Variants in FAM107A observed in about 807,000 individuals in gnomAD.
The protein encoded by FAM107A is family with sequence similarity 107 member A.
In FAM107A, 19 loss-of-function variants were observed where a neutral mutation model predicts 13.7. The observed-to-expected ratio is 1.38, with a 90% CI of 0.97 to 2.03. FAM107A has a LOEUF of 2.03. Among genes scored for constraint, FAM107A ranks in the 30% most tolerant of loss-of-function variants. The pLI is 0.00. For synonymous variants in FAM107A, 82 were observed against 74.5 expected (o/e 1.10, Z -0.52); for missense variants, 203 against 184.4 (o/e 1.10, Z -0.58).
At chr3:58,603,474 A>G (rs2065768853) in intron 1 of FAM107A, among the ~76,000 whole-genome samples, 1 of 152,098 alleles carries the variant, frequency 6.6e-6, no homozygotes, top group South Asian at 2.1e-4. Flanking sequence ...CTCATGGGAA[A>G]CCTTTAAAAG....
chr3:58,609,614 A>G (rs1025265840), intron 1 of FAM107A, among the ~76,000 whole-genome samples: 14 of 152,332 alleles, frequency 9.2e-5, no homozygotes, highest in African/African-American at 2.6e-4. Context: ...CTAGGGTGGC[A>G]TGGAGGAAGG....
intron 1 of FAM107A, among the ~76,000 whole-genome samples, chr3:58,610,088 A>C (rs1258804192): frequency 6.6e-6 from 1 of 152,214 alleles, no homozygotes; most frequent in Non-Finnish European, 1.5e-5. Context: ...AGGAGACAGC[A>C]GCTGAATTAC....
At chr3:58,625,092 C>T (rs937047050) in intron 1 of FAM107A, among the ~76,000 whole-genome samples, 2 of 152,002 alleles carry the variant, frequency 1.3e-5, no homozygotes, top group African/African-American at 4.8e-5. Flanking sequence ...AAAATCCTAC[C>T]CAATAAAAAT....
intron 1 of FAM107A, among the ~76,000 whole-genome samples, chr3:58,606,808 A>G (rs931589074): frequency 1.3e-5 from 2 of 152,220 alleles, no homozygotes; most frequent in African/African-American, 4.8e-5. Context: ...TCTTGTCAAC[A>G]GACCAACCCC....
chr3:58,570,609 GA>G (rs2063672840), intron 1 of FAM107A, among the ~76,000 whole-genome samples: 3 of 147,062 alleles, frequency 2.0e-5, no homozygotes, highest in East Asian at 4.1e-4. Context: ...GAGAGAGAGA[GA>G]GAGAGAGAGA....
intron 1 of FAM107A, chr3:58,607,648 C>T (rs1182046108): frequency 6.6e-6 from 1 of 152,206 alleles, no homozygotes; most frequent in East Asian, 1.9e-4. Context: ...CTAGCATACA[C>T]TAACAAGAGA....
At chr3:58,623,820 T>C (rs1274077904) in intron 1 of FAM107A, among the ~76,000 whole-genome samples, 2 of 152,232 alleles carry the variant, frequency 1.3e-5, no homozygotes, top group Non-Finnish European at 2.9e-5. Flanking sequence ...GTTTGAAGAC[T>C]AAATGAGCGA....
chr3:58,616,458 A>G (rs936626609), intron 1 of FAM107A, among the ~76,000 whole-genome samples: 3 of 151,908 alleles, frequency 2.0e-5, no homozygotes, highest in African/African-American at 7.3e-5. Flanking sequence ...AAGCAGATGT[A>G]GTCAAGTTAA....
At chr3:58,583,334 T>C (rs375090504) in intron 1 of FAM107A, among the ~76,000 whole-genome samples, 25 of 152,298 alleles carry the variant, frequency 1.6e-4, no homozygotes, top group African/African-American at 5.8e-4. Flanking sequence ...TATTAAGAAA[T>C]TATTTTAGCC....
chr3:58,570,583 CAGAGAGAGAGAGAGAGAGAGAGAG>C lies in FAM107A; in HGVS notation c.-5-742_-5-719del, dbSNP rs371909507. ...TTGAAATGCCCAAAAGCAAATACAGCAGAGAGAGAGAGAGAGAGAGAGAGAGAGAGAGAGAGAGAGAGAGAGAGA... is the reference window on the plus strand; with the variant it reads ...TTGAAATGCCCAAAAGCAAATACAGCAGAGAGAGAGAGAGAGAGAGAGAGA... On this transcript the variant is annotated intron_variant, in intron 1 of 3. Coordinates refer to ENST00000360997, the MANE Select transcript of FAM107A (RefSeq NM_001076778.3). Among the ~76,000 whole-genome samples, 478 of 91,080 alleles carry C rather than the reference CAGAGAGAGAGAGAGAGAGAGAGAG, an allele frequency of 5.2e-3. 3 individuals carry two copies. The highest frequency in any genetic ancestry group is 0.016 in the African/African-American group (422 of 27,006). 59.8% of individuals were successfully genotyped at this position (91,080 alleles called of 152,430 possible).
chr3:58,601,776 C>G (rs542568320), intron 1 of FAM107A, among the ~76,000 whole-genome samples: 1 of 152,338 alleles, frequency 6.6e-6, no homozygotes, highest in Admixed American at 6.5e-5. Flanking sequence ...AATATTCTGA[C>G]AAGTTCTTCT....
intron 1 of FAM107A, among the ~76,000 whole-genome samples, chr3:58,598,695 G>A (rs1002154810): frequency 2.6e-5 from 4 of 152,134 alleles, no homozygotes; most frequent in Admixed American, 6.5e-5. Flanking sequence ...TCCCAGCCAT[G>A]CCCCAATCTC....
chr3:58,573,975 C>T (rs573906139), intron 1 of FAM107A, among the ~76,000 whole-genome samples: 15 of 152,290 alleles, frequency 9.8e-5, no homozygotes, highest in Admixed American at 2.0e-4. Flanking sequence ...ATATCATAAA[C>T]GAGGTGATAC....
chr3:58,616,583 CCACCACCAT>C (rs2065903877), intron 1 of FAM107A, among the ~76,000 whole-genome samples: 1 of 150,744 alleles, frequency 6.6e-6, no homozygotes, highest in African/African-American at 2.4e-5. Context: ...ACTACCACCA[CCACCACCAT>C]CACCACCACC....
At chr3:58,608,422 C>T (rs2065818812) in intron 1 of FAM107A, among the ~76,000 whole-genome samples, 1 of 152,168 alleles carries the variant, frequency 6.6e-6, no homozygotes, top group African/African-American at 2.4e-5. Flanking sequence ...GATCCTAAGC[C>T]TCCTAGGCCA....
At chr3:58,620,145 T>G (rs941078226) in intron 1 of FAM107A, among the ~76,000 whole-genome samples, 1 of 152,132 alleles carries the variant, frequency 6.6e-6, no homozygotes, top group African/African-American at 2.4e-5. Flanking sequence ...TCAAACGGCC[T>G]CCCTTCCCTC....
intron 1 of FAM107A, chr3:58,609,065 AG>A (rs954592510): frequency 2.4e-4 from 36 of 152,200 alleles, no homozygotes; most frequent in African/African-American, 8.2e-4. Context: ...GAGCATTTTC[AG>A]GGCCTGGTCA....
At chr3:58,586,231 C>A (rs142184262) in intron 1 of FAM107A, among the ~76,000 whole-genome samples, 1 of 143,366 alleles carries the variant, frequency 7.0e-6, no homozygotes, top group Admixed American at 6.8e-5. Context: ...GCGCCTACAG[C>A]CGCCTTCAGG....
At chr3:58,588,701 A>G (rs1335757084), upstream of FAM107A, among the ~76,000 whole-genome samples, 1 of 152,146 alleles carries the variant, frequency 6.6e-6, no homozygotes, top group East Asian at 1.9e-4. Flanking sequence ...TGATCAAGCT[A>G]TGGTTCTTTC....
Sources: gnomAD v4.1 joint callset for allele counts (sites outside exome capture counted in the v4.1 genomes callset) on GRCh38, gnomAD v4.1.1 for gene constraint, MANE v1.5 for transcripts, NCBI Gene and HGNC (gene_info 2026-07-23, HGNC 2026-07-21) for gene names.